Variants in MIGA1 observed in about 807,000 individuals in gnomAD.
MIGA1 encodes family with sequence similarity 73, member A.
In MIGA1, 58 loss-of-function variants were observed where a neutral mutation model predicts 82.0. That is an observed-to-expected ratio of 0.71 (90% CI 0.57 to 0.88). The LOEUF is 0.88. Among genes scored for constraint, MIGA1 ranks in the 40% least tolerant of loss-of-function variants. The probability of loss-of-function intolerance (pLI) is 0.00; values close to 1 mark genes in which losing one functional copy is unlikely to be tolerated. For synonymous variants in MIGA1, 249 were observed against 253.6 expected, an observed-to-expected ratio of 0.98 and a Z score of 0.17; for missense variants, 751 against 749.1, an observed-to-expected ratio of 1.00 and a Z score of -0.03.
intron 14 of MIGA1, among the ~76,000 whole-genome samples, chr1:77,869,553 C>A (rs1469231659): frequency 7.2e-6 from 1 of 139,358 alleles, no homozygotes; most frequent in African/African-American, 2.7e-5. Flanking sequence ...CCGGATGGGG[C>A]GGCTGGCCGG....
rs930720029 is a variant in MIGA1 at position 77,869,167 on chromosome 1, G to C, written c.1563+2776G>C. 7.5e-5 allele frequency among the ~76,000 whole-genome samples: 11 copies of C among 146,102 alleles called. No homozygotes were observed. The East Asian group carries it at 2.2e-3, about 29-fold the overall frequency. On this transcript the variant is annotated intron_variant, in intron 14 of 15. Coordinates refer to ENST00000370791, the MANE Select transcript of MIGA1 (RefSeq NM_198549.4). ...CTCTTAACGAGCATGCTGCCTTCAAGCATCTGTTTAACAAAGCACATCTTG... is the reference window on the plus strand; with the variant it reads ...CTCTTAACGAGCATGCTGCCTTCAACCATCTGTTTAACAAAGCACATCTTG...
intron 14 of MIGA1, among the ~76,000 whole-genome samples, chr1:77,869,253 T>C (rs1295427391): frequency 7.4e-6 from 1 of 135,708 alleles, no homozygotes; most frequent in East Asian, 2.1e-4. Flanking sequence ...GAGCACAGGG[T>C]TGGGGATAAG....
intron 7 of MIGA1, among the ~76,000 whole-genome samples, 169 bp from the exon 8 acceptor site, chr1:77,843,138 A>G (rs1254173180): frequency 6.6e-6 from 1 of 152,160 alleles, no homozygotes; most frequent in Non-Finnish European, 1.5e-5. Flanking sequence ...TGTCTCCCCT[A>G]CTTGTCAGAG....
At position 77,811,536 on chromosome 1, in the gene MIGA1, A is replaced by C. The variant is rs534671166; in HGVS notation, c.638-2198A>C. ...GGTCCTCCAGTTTAAATTCTTCTTG[A>C]GACTGTGTGGACTGTAAAGCTGCAC... is the stretch of plus-strand genomic sequence containing the variant. On this transcript the variant is annotated intron_variant, in intron 5 of 15. Coordinates refer to ENST00000370791, the MANE Select transcript of MIGA1 (RefSeq NM_198549.4). 844 of 1,602,384 alleles carry C rather than the reference A, an allele frequency of 5.3e-4. 5 individuals carry two copies. In the African/African-American group the frequency reaches 0.01, roughly 19 times the overall value.
chr1:77,828,003 A>C (rs1684097048), intron 7 of MIGA1, among the ~76,000 whole-genome samples: 3 of 152,108 alleles, frequency 2.0e-5, no homozygotes, highest in Non-Finnish European at 2.9e-5. Flanking sequence ...GGCTGCAGTG[A>C]ACCAAGATTG....
chr1:77,848,656 A>G, intron 8 of MIGA1: 2 of 1,571,862 alleles, frequency 1.3e-6, no homozygotes, highest in Non-Finnish European at 1.7e-6. Flanking sequence ...AGAGAAGGGT[A>G]AAGAACAAGA....
chr1:77,813,874 G>A lies in MIGA1; in HGVS notation c.771+7G>A, dbSNP rs1683467929. ...TGCTGAAGAAAATGTAGATGTAAGG[G>A]TGATTGATTTGAGTGGTCTTCATAA... On this transcript the variant is annotated splice_region_variant and intron_variant, in intron 6 of 15. Coordinates refer to ENST00000370791, the MANE Select transcript of MIGA1 (RefSeq NM_198549.4). 6.2e-7 allele frequency: 1 copy of A among 1,613,162 alleles called. No individual in the cohort carries two copies. Among genetic ancestry groups the A allele is most frequent in the Admixed American group, 1.7e-5 (1 of 59,644 alleles).
At chr1:77,819,035 GT>G (rs1683695170) in intron 7 of MIGA1, among the ~76,000 whole-genome samples, 1 of 149,308 alleles carries the variant, frequency 6.7e-6, no homozygotes, top group Admixed American at 6.7e-5. Context: ...AGCTGAGATG[GT>G]GTCACTGCAC....
intron 7 of MIGA1, among the ~76,000 whole-genome samples, chr1:77,829,681 G>A (rs945667325): frequency 6.6e-6 from 1 of 152,078 alleles, no homozygotes; most frequent in Non-Finnish European, 1.5e-5. Flanking sequence ...ATGTTGGCCA[G>A]GCTGATCTTG....
chr1:77,793,624 TA>T (rs1160955254), intron 2 of MIGA1, among the ~76,000 whole-genome samples: 27 of 148,698 alleles, frequency 1.8e-4, no homozygotes, highest in Admixed American at 1.2e-3. Context: ...CATGCCCAGC[TA>T]ATTTTTTTTT....
At chr1:77,797,361 A>G (rs1469401378) in intron 2 of MIGA1, among the ~76,000 whole-genome samples, 2 of 152,192 alleles carry the variant, frequency 1.3e-5, no homozygotes, top group Non-Finnish European at 2.9e-5. Context: ...ATTCTACTGT[A>G]TTGATCTATA....
In MIGA1 at chr1:77,860,141, T is replaced by A; in HGVS notation, c.1275+15T>A. On this transcript the variant is annotated intron_variant, in intron 11 of 15. Coordinates refer to ENST00000370791, the MANE Select transcript of MIGA1 (RefSeq NM_198549.4). Reference sequence around the variant, plus strand: ...AAGCACGAAAGGTAAACTTGTTCTGTTGGCAAGATTTTTACCATTTACAAA... The same window carrying A: ...AAGCACGAAAGGTAAACTTGTTCTGATGGCAAGATTTTTACCATTTACAAA... The A allele has an allele frequency of 2.5e-6, 4 of 1,571,822 alleles. No individual in the cohort carries two copies. The highest frequency in any genetic ancestry group is 3.5e-6 in the Non-Finnish European group (4 of 1,148,854).
intron 14 of MIGA1, among the ~76,000 whole-genome samples, chr1:77,867,948 G>A (rs894345948): frequency 8.6e-5 from 13 of 151,962 alleles, no homozygotes; most frequent in Non-Finnish European, 1.8e-4. Flanking sequence ...GAACTCTAAC[G>A]TTAGGACTAG....
intron 2 of MIGA1, among the ~76,000 whole-genome samples, chr1:77,796,051 A>T (rs1256449517): frequency 6.6e-6 from 1 of 152,142 alleles, no homozygotes; most frequent in Non-Finnish European, 1.5e-5. Context: ...TACTTATTAT[A>T]ATATCTAGTG....
intron 11 of MIGA1, chr1:77,860,338 C>T: frequency 4.0e-6 from 2 of 502,104 alleles, no homozygotes; most frequent in Non-Finnish European, 7.0e-6. Context: ...TTGCCATAAA[C>T]TCTGTAAATG....
At chr1:77,855,820 C>T (rs1034779204) in intron 8 of MIGA1, among the ~76,000 whole-genome samples, 3 of 151,788 alleles carry the variant, frequency 2.0e-5, no homozygotes, top group African/African-American at 7.3e-5. Context: ...TCAAGGTAAA[C>T]GATCATATTG....
rs915960801 is a variant in MIGA1, at chr1:77,803,387, C to T, written c.491C>T (p.Ser164Phe). 6.5e-7 allele frequency: 1 copy of T among 1,548,602 alleles called. No homozygotes were observed. The highest frequency in any genetic ancestry group is 2.4e-5 in the East Asian group (1 of 42,514). Residue 164 changes from serine to phenylalanine, a missense_variant, in exon 4 of 16, where the codon TCT becomes TTT. Physicochemically the swap from Ser to Phe is radical, Grantham distance 155. Transcript: ENST00000370791. ...GGACTTTTCAGTAAATATTCAGGTT[C>T]TGCACAGAGTTTGGCCTCTGTAAGT...
intron 8 of MIGA1, among the ~76,000 whole-genome samples, 178 bp downstream of exon 8, chr1:77,843,585 ACT>A (rs1245456589): frequency 2.0e-5 from 3 of 152,108 alleles, no homozygotes; most frequent in African/African-American, 7.2e-5. Flanking sequence ...AGGAGCTTAC[ACT>A]CTCTTTAAGG....
intron 4 of MIGA1, among the ~76,000 whole-genome samples, chr1:77,803,985 T>A (rs772409073): frequency 6.6e-6 from 1 of 152,174 alleles, no homozygotes; most frequent in African/African-American, 2.4e-5. Flanking sequence ...TTTACCCTGA[T>A]GTGATCACTA....
Sources: allele counts gnomAD v4.1 joint callset (sites outside exome capture counted in the v4.1 genomes callset), GRCh38; gene constraint gnomAD v4.1.1; transcripts MANE v1.5; gene names NCBI Gene and HGNC (gene_info 2026-07-23, HGNC 2026-07-21).